Variants in DLG2 observed in about 807,000 individuals in gnomAD.
The protein encoded by DLG2 is disks large homolog 2.
DLG2 carries 45 observed loss-of-function variants against 132.5 expected under a neutral mutation model. That is an observed-to-expected ratio of 0.34 (90% CI 0.27 to 0.44). The LOEUF (loss-of-function observed/expected upper bound fraction) is 0.44. Among genes scored for constraint, DLG2 ranks in the 20% least tolerant of loss-of-function variants. The probability of loss-of-function intolerance (pLI) is 1.00; values close to 1 mark genes in which losing one functional copy is unlikely to be tolerated. For missense variants in DLG2, 1,045 were observed against 1,196.9 expected (o/e 0.87, Z 1.87); for synonymous variants, 424 against 419.6 (o/e 1.01, Z -0.13).
chr11:84,244,429 A>T (rs914582128), intron 8 of DLG2, among the ~76,000 whole-genome samples: 17 of 151,982 alleles, frequency 1.1e-4, no homozygotes, highest in Non-Finnish European at 2.2e-4. Flanking sequence ...CAGTTGATCC[A>T]CCCGCCTCGG....
At chr11:84,499,714 CTG>C (rs1286413305) in intron 7 of DLG2, among the ~76,000 whole-genome samples, 1 of 152,078 alleles carries the variant, frequency 6.6e-6, no homozygotes, top group Non-Finnish European at 1.5e-5. Flanking sequence ...TTCTCTCTTT[CTG>C]TCTCTCTCTG....
chr11:84,370,543 G>A (rs1050480835), intron 7 of DLG2, among the ~76,000 whole-genome samples: 7 of 152,202 alleles, frequency 4.6e-5, no homozygotes, highest in Non-Finnish European at 1.0e-4. Flanking sequence ...GACTGATGCT[G>A]AAAGTGAGGT....
intron 18 of DLG2, among the ~76,000 whole-genome samples, chr11:83,704,193 G>A (rs977990564): frequency 5.3e-5 from 8 of 152,196 alleles, no homozygotes; most frequent in Non-Finnish European, 7.4e-5. Flanking sequence ...AAAAAAGAGT[G>A]CATCTGAAAA....
intron 7 of DLG2, among the ~76,000 whole-genome samples, 164 bp from the exon 8 acceptor site, chr11:84,251,455 G>A (rs2097370687): frequency 6.6e-6 from 1 of 152,092 alleles, no homozygotes; most frequent in South Asian, 2.1e-4. Context: ...AAGAGTTTCT[G>A]TACCTTCCCC....
At chr11:83,712,005 A>G (rs1284980901) in intron 18 of DLG2, among the ~76,000 whole-genome samples, 1 of 152,190 alleles carries the variant, frequency 6.6e-6, no homozygotes, top group Non-Finnish European at 1.5e-5. Flanking sequence ...CAAACAAACA[A>G]AAAAACCGGA....
Position 85,118,918 on chromosome 11 carries a change from C to T in DLG2, c.283-7183G>A, listed in dbSNP as rs145725129. 1.1e-3 allele frequency among the ~76,000 whole-genome samples: 170 copies of T among 151,526 alleles called. 1 individual carries two copies. The highest frequency in any genetic ancestry group is 3.9e-3 in the African/African-American group (160 of 41,394). ...ATTATAATATATATAACATATATGT[C>T]TAGGGGCCTGATATATACTCTAATA... On this transcript the variant is annotated intron_variant, in intron 5 of 27. Transcript: ENST00000376104.
chr11:84,090,069 C>A (rs1477102581), intron 10 of DLG2, among the ~76,000 whole-genome samples: 1 of 152,132 alleles, frequency 6.6e-6, no homozygotes, highest in East Asian at 1.9e-4. Context: ...GGATGTATAT[C>A]TATTTTGCTC....
intron 6 of DLG2, among the ~76,000 whole-genome samples, chr11:85,099,333 A>G (rs2070456239): frequency 1.3e-5 from 2 of 152,210 alleles, no homozygotes; most frequent in Admixed American, 1.3e-4. Flanking sequence ...TCAGAAAAGC[A>G]GAACAAAAAG....
At chr11:83,510,545 C>T (rs149028105) in intron 21 of DLG2, among the ~76,000 whole-genome samples, 8 of 152,260 alleles carry the variant, frequency 5.3e-5, no homozygotes, top group South Asian at 2.1e-4. Context: ...CCTGTAGTCC[C>T]GTTTTAGCAG....
chr11:85,222,664 A>G (rs2074725195), intron 4 of DLG2, among the ~76,000 whole-genome samples: 1 of 152,258 alleles, frequency 6.6e-6, no homozygotes, highest in Non-Finnish European at 1.5e-5. Context: ...ATCTAGACCC[A>G]GAGACTGTGC....
intron 6 of DLG2, among the ~76,000 whole-genome samples, chr11:84,750,616 A>C (rs935729836): frequency 1.3e-5 from 2 of 152,172 alleles, no homozygotes; most frequent in African/African-American, 4.8e-5. Context: ...TTCATGACAT[A>C]ATTAACTCTG....
intron 6 of DLG2, among the ~76,000 whole-genome samples, chr11:84,816,472 C>T (rs755636623): frequency 1.3e-4 from 20 of 151,586 alleles, no homozygotes; most frequent in Admixed American, 7.9e-4. Context: ...CACATGGTCT[C>T]GGTGTTCTAA....
At chr11:85,298,961 A>T (rs531691789) in intron 3 of DLG2, among the ~76,000 whole-genome samples, 1 of 152,312 alleles carries the variant, frequency 6.6e-6, no homozygotes, top group African/African-American at 2.4e-5. Context: ...AATAAATTTT[A>T]AAAATTATTT....
At chr11:83,527,666 T>A (rs2095641425) in intron 21 of DLG2, among the ~76,000 whole-genome samples, 1 of 152,192 alleles carries the variant, frequency 6.6e-6, no homozygotes, top group Non-Finnish European at 1.5e-5. Flanking sequence ...ATAAATAGGA[T>A]GATTTATTTG....
intron 14 of DLG2, among the ~76,000 whole-genome samples, chr11:83,956,076 C>A (rs11233855): frequency 0.1 from 15,246 of 152,114 alleles, 834 homozygotes; most frequent in Non-Finnish European, 0.12. Context: ...ATTCCTCCAG[C>A]GAACCCTGAC....
At chr11:83,594,332 A>G (rs538378686) in intron 19 of DLG2, among the ~76,000 whole-genome samples, 74 of 152,336 alleles carry the variant, frequency 4.9e-4, no homozygotes, top group Non-Finnish European at 8.1e-4. Flanking sequence ...TGTACTGTGG[A>G]TGAGAAATAA....
intron 21 of DLG2, among the ~76,000 whole-genome samples, chr11:83,520,686 A>AGTAGGTAG (rs1191355060): frequency 3.7e-4 from 23 of 62,392 alleles, no homozygotes; most frequent in African/African-American, 1.1e-3. Context: ...CAGACAGGTA[A>AGTAGGTAG]GTAGGTAGGT....
intron 11 of DLG2, among the ~76,000 whole-genome samples, chr11:84,014,979 G>C (rs1012819693): frequency 2.0e-5 from 3 of 151,940 alleles, no homozygotes; most frequent in Admixed American, 6.6e-5. Context: ...ACGTAATTTG[G>C]TGTAGATACT....
chr11:85,068,349 T>G (rs866701490), intron 6 of DLG2, among the ~76,000 whole-genome samples: 12 of 151,912 alleles, frequency 7.9e-5, no homozygotes, highest in Non-Finnish European at 1.0e-4. Context: ...TAGGAAAAGA[T>G]GAAGTCAAAG....
Sources: gnomAD v4.1 joint callset for allele counts (sites outside exome capture counted in the v4.1 genomes callset) on GRCh38, gnomAD v4.1.1 for gene constraint, MANE v1.5 for transcripts, NCBI Gene and HGNC (gene_info 2026-07-23, HGNC 2026-07-21) for gene names.